The following ISM1 variants were observed in gnomAD, a reference collection of about 807,000 sequenced individuals.
The protein encoded by ISM1 is isthmin 1.
ISM1 carries 25 observed loss-of-function variants against 46.3 expected under a neutral mutation model. That is an observed-to-expected ratio of 0.54 (90% CI 0.39 to 0.75). The LOEUF is 0.75. Among genes scored for constraint, ISM1 ranks in the 30% least tolerant of loss-of-function variants. The pLI is 0.00. For synonymous variants in ISM1, 255 were observed against 256.7 expected, an observed-to-expected ratio of 0.99 and a Z score of 0.06; for missense variants, 536 against 625.4, an observed-to-expected ratio of 0.86 and a Z score of 1.52.
rs769417979 is a variant in ISM1, at chr20:13,262,014, G to A, written c.139-8490G>A. On this transcript the variant is annotated intron_variant, in intron 1 of 5. Transcript: ENST00000262487. ...TGTTCGACACCCGTTCCCTCTGGTC[G>A]TAGGAGGACTTAGATACTTGGGCCT... is the stretch of plus-strand genomic sequence containing the variant. Among the ~76,000 whole-genome samples, 22 of 152,288 alleles carry A rather than the reference G, an allele frequency of 1.4e-4. 1 individual carries two copies. The highest frequency in any genetic ancestry group is 4.1e-4 in the African/African-American group (17 of 41,548).
At chr20:13,235,822 G>A (rs2039641752) in intron 1 of ISM1, among the ~76,000 whole-genome samples, 2 of 152,174 alleles carry the variant, frequency 1.3e-5, no homozygotes, top group Admixed American at 1.3e-4. Context: ...TTTCCCTGAT[G>A]AAAGGGCACC....
chr20:13,313,572 G>A, the ISM1 span, among the ~76,000 whole-genome samples: 1 of 152,116 alleles, frequency 6.6e-6, no homozygotes, highest in African/African-American at 2.4e-5. Flanking sequence ...ATTCGGGCTC[G>A]GGAGACTGCC....
intron 1 of ISM1, among the ~76,000 whole-genome samples, chr20:13,236,071 C>A (rs1819169): frequency 0.27 from 40,516 of 151,750 alleles, 5,647 homozygotes; most frequent in African/African-American, 0.36. Flanking sequence ...ATTACAGGCA[C>A]CCACCACCAC....
intron 5 of ISM1, among the ~76,000 whole-genome samples, chr20:13,298,481 C>T (rs559908954): frequency 2.4e-4 from 37 of 152,270 alleles, no homozygotes; most frequent in African/African-American, 6.7e-4. Flanking sequence ...GAGTGATAAT[C>T]GGATCACGGT....
At chr20:13,316,037 A>C in the ISM1 span, among the ~76,000 whole-genome samples, 3 of 152,128 alleles carry the variant, frequency 2.0e-5, no homozygotes, top group East Asian at 5.8e-4. Flanking sequence ...TAAATTCAAT[A>C]AGCTTCTGCG....
At chr20:13,224,877 G>A (rs1372609138) in intron 1 of ISM1, among the ~76,000 whole-genome samples, 4 of 115,268 alleles carry the variant, frequency 3.5e-5, no homozygotes, top group Admixed American at 1.2e-4. Context: ...ACGCAGTCTT[G>A]CTCTGTCGCC....
At chr20:13,233,614 A>G (rs943350888) in intron 1 of ISM1, among the ~76,000 whole-genome samples, 5 of 151,140 alleles carry the variant, frequency 3.3e-5, no homozygotes, top group Admixed American at 2.0e-4. Flanking sequence ...AAAAAAAAAA[A>G]GGAGATCCCA....
intron 1 of ISM1, among the ~76,000 whole-genome samples, chr20:13,253,059 C>T (rs373632600): frequency 2.0e-5 from 3 of 152,324 alleles, no homozygotes; most frequent in African/African-American, 7.2e-5. Flanking sequence ...TAGAGACAGA[C>T]ACACAGCGAG....
At chr20:13,322,009 TCAA>T in the ISM1 span, among the ~76,000 whole-genome samples, 1 of 152,204 alleles carries the variant, frequency 6.6e-6, no homozygotes, top group Non-Finnish European at 1.5e-5. Context: ...AATTAATGAG[TCAA>T]CATTTATATT....
intron 1 of ISM1, among the ~76,000 whole-genome samples, chr20:13,245,563 G>A (rs1294914235): frequency 3.3e-5 from 5 of 152,072 alleles, no homozygotes; most frequent in African/African-American, 7.2e-5. Context: ...TTCAGAAGCT[G>A]CCTGCCATAC....
chr20:13,315,588 A>G, the ISM1 span, among the ~76,000 whole-genome samples: 1 of 152,032 alleles, frequency 6.6e-6, no homozygotes, highest in Non-Finnish European at 1.5e-5. Flanking sequence ...TATCATAGTT[A>G]CAGATTTCAA....
At chr20:13,295,980 G>A (rs1392579995) in intron 5 of ISM1, among the ~76,000 whole-genome samples, 1 of 152,244 alleles carries the variant, frequency 6.6e-6, no homozygotes, top group South Asian at 2.1e-4. Flanking sequence ...GCAACCTGGT[G>A]TCACGTGCTC....
chr20:13,249,410 C>T (rs781449392), intron 1 of ISM1, among the ~76,000 whole-genome samples: 8 of 152,204 alleles, frequency 5.3e-5, no homozygotes, highest in African/African-American at 4.8e-5. Context: ...GGAACCCTTC[C>T]GTGCCCCAGG....
intron 1 of ISM1, among the ~76,000 whole-genome samples, chr20:13,265,607 C>A (rs941401519): frequency 6.6e-6 from 1 of 152,162 alleles, no homozygotes; most frequent in African/African-American, 2.4e-5. Context: ...CCAAGCTCTG[C>A]ACTCAATCCA....
intron 1 of ISM1, among the ~76,000 whole-genome samples, chr20:13,249,779 CGTTTTGTTTTGTTTT>C (rs33933656): frequency 0.16 from 23,268 of 141,576 alleles, 2,026 homozygotes; most frequent in African/African-American, 0.24. Context: ...TTTTTTGTTG[CGTTTTGTTTTGTTTT>C]GTTTTGTTTT....
the ISM1 span, among the ~76,000 whole-genome samples, chr20:13,308,266 A>T: frequency 6.6e-6 from 1 of 152,234 alleles, no homozygotes; most frequent in East Asian, 1.9e-4. Flanking sequence ...AATCTGATGT[A>T]ACTCAGATGC....
intron 1 of ISM1, among the ~76,000 whole-genome samples, chr20:13,258,616 C>T (rs2039953334): frequency 6.6e-6 from 1 of 152,072 alleles, no homozygotes; most frequent in Admixed American, 6.5e-5. Context: ...CAAAAGAAAG[C>T]CTCTGAGAAC....
chr20:13,261,605 C>G (rs6134837), intron 1 of ISM1, among the ~76,000 whole-genome samples: 1 of 152,134 alleles, frequency 6.6e-6, no homozygotes, highest in African/African-American at 2.4e-5. Context: ...GACCCAGACC[C>G]AGACCTTGAA....
chr20:13,225,720 C>G (rs113923434), intron 1 of ISM1, among the ~76,000 whole-genome samples: 15 of 152,140 alleles, frequency 9.9e-5, no homozygotes, highest in African/African-American at 3.6e-4. Flanking sequence ...AATGAGAAAA[C>G]TATCTGCAGT....
Sources: allele counts gnomAD v4.1 joint callset (sites outside exome capture counted in the v4.1 genomes callset), GRCh38; gene constraint gnomAD v4.1.1; transcripts MANE v1.5; gene names NCBI Gene and HGNC (gene_info 2026-07-23, HGNC 2026-07-21).